Variants in MCTP1 observed in about 807,000 individuals in gnomAD.
MCTP1 encodes the protein multiple C2 and transmembrane domain-containing protein 1.
Under a neutral mutation model 120.6 loss-of-function variants are expected in MCTP1, and 69 were observed. That is an observed-to-expected ratio of 0.57 (90% CI 0.47 to 0.70). The LOEUF (loss-of-function observed/expected upper bound fraction) is 0.70. MCTP1 is among the 30% of genes least tolerant of loss of function. The probability of loss-of-function intolerance (pLI) is 0.00; values close to 1 mark genes in which losing one functional copy is unlikely to be tolerated. For synonymous variants in MCTP1, 529 were observed against 493.1 expected, an observed-to-expected ratio of 1.07 and a Z score of -0.96; for missense variants, 1,203 against 1,248.8, an observed-to-expected ratio of 0.96 and a Z score of 0.55.
chr5:94,798,367 T>G (rs1463184447), intron 18 of MCTP1, among the ~76,000 whole-genome samples: 1 of 152,094 alleles, frequency 6.6e-6, no homozygotes, highest in African/African-American at 2.4e-5. Flanking sequence ...AGTCTAAAAC[T>G]CTTCCAGAAA....
intron 1 of MCTP1, among the ~76,000 whole-genome samples, chr5:95,159,690 A>G (rs1170244406): frequency 6.6e-6 from 1 of 152,048 alleles, no homozygotes; most frequent in Non-Finnish European, 1.5e-5. Context: ...TTTTTTTTCA[A>G]GTTCCACTTG....
intron 19 of MCTP1, among the ~76,000 whole-genome samples, chr5:94,725,636 G>A (rs1394552144): frequency 2.0e-5 from 3 of 152,186 alleles, no homozygotes; most frequent in Admixed American, 1.3e-4. Flanking sequence ...AGAGAAGGAG[G>A]TGGGTACTAG....
chr5:95,032,471 G>A (rs2151774580), intron 1 of MCTP1, among the ~76,000 whole-genome samples: 1 of 152,072 alleles, frequency 6.6e-6, no homozygotes, highest in South Asian at 2.1e-4. Flanking sequence ...AAACTAAAAA[G>A]TCTTGTTTCC....
chr5:94,936,323 A>G (rs143030448), intron 5 of MCTP1, among the ~76,000 whole-genome samples: 2 of 152,112 alleles, frequency 1.3e-5, no homozygotes, highest in East Asian at 1.9e-4. Context: ...TTCCCCTTGT[A>G]TCAGTGATAG....
intron 16 of MCTP1, among the ~76,000 whole-genome samples, chr5:94,869,757 A>G (rs889820050): frequency 6.6e-6 from 1 of 152,126 alleles, no homozygotes; most frequent in Non-Finnish European, 1.5e-5. Context: ...GGGGTGGTTT[A>G]GCACTTTTTA....
intron 2 of MCTP1, among the ~76,000 whole-genome samples, chr5:94,953,943 A>AATATATATGCATATATATACAAAT (rs1821498070): frequency 1.4e-4 from 3 of 20,794 alleles, no homozygotes; most frequent in African/African-American, 2.1e-4. Flanking sequence ...TATATATACA[A>AATATATATGCATATATATACAAAT]ATATATATGC....
intron 1 of MCTP1, among the ~76,000 whole-genome samples, chr5:95,196,151 A>G (rs1306860145): frequency 6.6e-6 from 1 of 152,156 alleles, no homozygotes; most frequent in East Asian, 1.9e-4. Flanking sequence ...TGAAAACCTG[A>G]CTATATTTTA....
chr5:95,073,674 G>A (rs1752810174), intron 1 of MCTP1, among the ~76,000 whole-genome samples: 1 of 152,172 alleles, frequency 6.6e-6, no homozygotes, highest in African/African-American at 2.4e-5. Flanking sequence ...GGGAAGGGCA[G>A]GAATATGGAA....
intron 1 of MCTP1, among the ~76,000 whole-genome samples, chr5:95,095,499 G>A (rs1165439666): frequency 6.6e-6 from 1 of 152,180 alleles, no homozygotes; most frequent in Non-Finnish European, 1.5e-5. Context: ...GAGCAGCAGG[G>A]TCAGAAGTCA....
At chr5:95,073,232 G>A (rs956840747) in intron 1 of MCTP1, among the ~76,000 whole-genome samples, 27 of 152,052 alleles carry the variant, frequency 1.8e-4, no homozygotes, top group East Asian at 1.9e-4. Context: ...TAGGAGAGAC[G>A]GCGTCCACAT....
At chr5:94,850,136 A>C (rs1345325973) in intron 17 of MCTP1, among the ~76,000 whole-genome samples, 1 of 152,182 alleles carries the variant, frequency 6.6e-6, no homozygotes, top group Admixed American at 6.5e-5. Context: ...AATAAATCCG[A>C]ATGGCTGTAT....
chr5:95,104,588 G>T (rs1326492138), intron 1 of MCTP1, among the ~76,000 whole-genome samples: 1 of 152,132 alleles, frequency 6.6e-6, no homozygotes, highest in Non-Finnish European at 1.5e-5. Flanking sequence ...GACCCTTCTT[G>T]CCAGGGACCC....
intron 1 of MCTP1, among the ~76,000 whole-genome samples, chr5:95,259,533 T>C (rs1325873168): frequency 6.6e-6 from 1 of 152,172 alleles, no homozygotes; most frequent in Admixed American, 6.5e-5. Flanking sequence ...AACAACATTG[T>C]CCCCAGTGAA....
At chr5:94,898,253 G>A (rs1470956604) in intron 10 of MCTP1, among the ~76,000 whole-genome samples, 1 of 152,076 alleles carries the variant, frequency 6.6e-6, no homozygotes, top group Non-Finnish European at 1.5e-5. Context: ...TGACTTCAAG[G>A]TTCTTTGTGC....
chr5:95,181,307 A>C (rs56244253), intron 1 of MCTP1, among the ~76,000 whole-genome samples: 34,410 of 152,014 alleles, frequency 0.23, 3,971 homozygotes, highest in Non-Finnish European at 0.24. Context: ...CTCTCCCTCT[A>C]GCTCACTCTA....
At chr5:95,036,536 T>C (rs910391340) in intron 1 of MCTP1, among the ~76,000 whole-genome samples, 1 of 152,178 alleles carries the variant, frequency 6.6e-6, no homozygotes, top group African/African-American at 2.4e-5. Flanking sequence ...GTTCCCCTTT[T>C]TCCCCGCGGA....
In MCTP1 at chr5:94,779,171, G is replaced by A. The variant is rs748802899; in HGVS notation, c.2557-8C>T. ...TAGCATGTCCTCCACTACCTGCAGA[G>A]AGAAACAGAAGTCGTTTTTTGTGCT... On this transcript the variant is annotated splice_polypyrimidine_tract_variant and splice_region_variant and intron_variant, in intron 18 of 22. Transcript: ENST00000515393. The A allele has an allele frequency of 3.7e-6, 6 of 1,613,150 alleles. No homozygotes were observed. Among genetic ancestry groups the A allele is most frequent in the Non-Finnish European group, 5.1e-6 (6 of 1,179,232 alleles).
At chr5:95,012,409 T>C (rs1030544392) in intron 2 of MCTP1, among the ~76,000 whole-genome samples, 4 of 152,154 alleles carry the variant, frequency 2.6e-5, no homozygotes, top group African/African-American at 4.8e-5. Flanking sequence ...TCTGGAGTTT[T>C]ATAGTATACG....
chr5:95,123,343 T>A (rs1165435223), intron 1 of MCTP1, among the ~76,000 whole-genome samples: 2 of 152,124 alleles, frequency 1.3e-5, no homozygotes, highest in African/African-American at 4.8e-5. Context: ...CTGATTTTTC[T>A]TATCCACTGG....
Sources: allele counts gnomAD v4.1 joint callset (sites outside exome capture counted in the v4.1 genomes callset), GRCh38; gene constraint gnomAD v4.1.1; transcripts MANE v1.5; gene names NCBI Gene and HGNC (gene_info 2026-07-23, HGNC 2026-07-21).